The following ZFAND3 variants were observed in gnomAD, a reference collection of about 807,000 sequenced individuals.
The protein encoded by ZFAND3 is AN1-type zinc finger protein 3.
A neutral mutation model predicts 29.6 loss-of-function variants in ZFAND3; 10 were observed. The ratio of observed to expected loss-of-function variants is 0.34; its 90% CI spans 0.21 to 0.57. The LOEUF (loss-of-function observed/expected upper bound fraction) is 0.57, where lower values mean the gene tolerates loss of function less well. Ranked by LOEUF, ZFAND3 falls within the 20% of genes least tolerant of loss-of-function variation. ZFAND3 has a pLI of 0.86. For synonymous variants in ZFAND3, 128 were observed against 112.6 expected, an observed-to-expected ratio of 1.14 and a Z score of -0.87; for missense variants, 230 against 304.5, an observed-to-expected ratio of 0.76 and a Z score of 1.82.
intron 4 of ZFAND3, 104 bp downstream of exon 4, chr6:38,082,561 C>A: frequency 9.2e-7 from 1 of 1,092,294 alleles, no homozygotes; most frequent in Non-Finnish European, 1.3e-6. Context: ...CTGATTTCTT[C>A]CGTCAGTTGT....
chr6:38,003,578 A>G, intron 2 of ZFAND3: 1 of 239,598 alleles, frequency 4.2e-6, no homozygotes, highest in Non-Finnish European at 8.4e-6. Flanking sequence ...AGCTCACTGC[A>G]ACCCCTGCCT....
At chr6:38,004,925 C>G (rs1330724250) in intron 2 of ZFAND3, among the ~76,000 whole-genome samples, 1 of 152,112 alleles carries the variant, frequency 6.6e-6, no homozygotes, top group Non-Finnish European at 1.5e-5. Flanking sequence ...TACCTAAAAC[C>G]CAAAATGTTG....
Position 37,819,885 on chromosome 6 carries a change from G to C in ZFAND3, c.-61G>C, listed in dbSNP as rs1581685116. 3.6e-6 allele frequency: 4 copies of C among 1,117,952 alleles called. No individual in the cohort carries two copies. Among genetic ancestry groups the C allele is most frequent in the East Asian group, 4.0e-5 (1 of 24,910 alleles). 69.3% of individuals were successfully genotyped at this position (1,117,952 alleles called of 1,614,324 possible). ...GCCGCCGCCACCGCCTCCTCAGAGC[G>C]GGGCCCGGGCCCAGCCGCCGCCACC... On this transcript the variant is annotated 5_prime_UTR_variant, in exon 1 of 6. Transcript: ENST00000287218.
chr6:37,919,008 C>T, intron 1 of ZFAND3, among the ~76,000 whole-genome samples: 1 of 135,694 alleles, frequency 7.4e-6, no homozygotes, highest in Admixed American at 8.2e-5. Context: ...GGCTGGAGTG[C>T]AGTGGCGCAA....
At chr6:38,069,318 G>A (rs1218756217) in intron 3 of ZFAND3, among the ~76,000 whole-genome samples, 1 of 152,128 alleles carries the variant, frequency 6.6e-6, no homozygotes, top group Non-Finnish European at 1.5e-5. Context: ...ATATGGTGGG[G>A]AGATTTATTT....
At chr6:37,870,479 A>T (rs528808371) in intron 1 of ZFAND3, among the ~76,000 whole-genome samples, 1 of 151,346 alleles carries the variant, frequency 6.6e-6, no homozygotes, top group African/African-American at 2.4e-5. Context: ...GCACGCGCCA[A>T]TCCCAGCTAC....
At chr6:37,883,629 G>A (rs1400991050) in intron 1 of ZFAND3, among the ~76,000 whole-genome samples, 2 of 142,980 alleles carry the variant, frequency 1.4e-5, no homozygotes, top group African/African-American at 2.9e-5. Context: ...TGCAACCTCT[G>A]CCTCCTGGGT....
intron 1 of ZFAND3, among the ~76,000 whole-genome samples, chr6:37,845,664 A>G (rs1260534447): frequency 6.6e-6 from 1 of 152,188 alleles, no homozygotes; most frequent in Admixed American, 6.5e-5. Context: ...AGAGCAGCGT[A>G]TGCCAGTCTC....
At chr6:37,881,886 T>C (rs1194660652) in intron 1 of ZFAND3, among the ~76,000 whole-genome samples, 1 of 152,122 alleles carries the variant, frequency 6.6e-6, no homozygotes, top group East Asian at 1.9e-4. Flanking sequence ...TGCTAGTATA[T>C]GGTAAGAAGT....
chr6:37,849,176 G>A (rs1764236640), intron 1 of ZFAND3, among the ~76,000 whole-genome samples: 1 of 152,176 alleles, frequency 6.6e-6, no homozygotes, highest in Non-Finnish European at 1.5e-5. Context: ...GAAGGTTGGA[G>A]TGAAGATGGA....
intron 1 of ZFAND3, among the ~76,000 whole-genome samples, chr6:37,884,567 G>A (rs1321067440): frequency 1.4e-5 from 2 of 140,838 alleles, no homozygotes; most frequent in Non-Finnish European, 3.0e-5. Context: ...TTGTTAGGCT[G>A]TAATTCCAGT....
At chr6:37,914,859 G>A (rs574772452) in intron 1 of ZFAND3, among the ~76,000 whole-genome samples, 34 of 151,468 alleles carry the variant, frequency 2.2e-4, no homozygotes, top group African/African-American at 8.0e-4. Flanking sequence ...CTGATCACTG[G>A]CTTCAACTTA....
At chr6:38,012,104 G>T (rs913318778) in intron 2 of ZFAND3, among the ~76,000 whole-genome samples, 2 of 152,110 alleles carry the variant, frequency 1.3e-5, no homozygotes, top group African/African-American at 4.8e-5. Context: ...ATGGGGTGTG[G>T]CAGGCAGTAG....
At position 37,841,207 on chromosome 6, in the gene ZFAND3, T is replaced by C. The variant is rs527697920; in HGVS notation, c.71+21191T>C. Among the ~76,000 whole-genome samples, 3 of 152,338 alleles carry C rather than the reference T, an allele frequency of 2.0e-5. No individual in the cohort carries two copies. In the South Asian group the frequency reaches 6.2e-4, roughly 32 times the overall value. On this transcript the variant is annotated intron_variant, in intron 1 of 5. Transcript: ENST00000287218. Reference sequence around the variant, plus strand: ...GGGTTTCCGAATAAGTTTCAGTTCTTTGAGTAATAACTTTATGGAAAGAGA... The same window carrying C: ...GGGTTTCCGAATAAGTTTCAGTTCTCTGAGTAATAACTTTATGGAAAGAGA...
intron 2 of ZFAND3, among the ~76,000 whole-genome samples, chr6:37,964,914 A>C (rs71569397): frequency 0.082 from 12,542 of 152,178 alleles, 622 homozygotes; most frequent in African/African-American, 0.14. Flanking sequence ...GAGCCCTGTG[A>C]GGATTTAGTG....
At chr6:38,077,408 A>G (rs1764576193) in intron 3 of ZFAND3, among the ~76,000 whole-genome samples, 1 of 152,138 alleles carries the variant, frequency 6.6e-6, no homozygotes, top group Non-Finnish European at 1.5e-5. Flanking sequence ...CCTTTAGTTG[A>G]TAAAATAATT....
intron 1 of ZFAND3, among the ~76,000 whole-genome samples, chr6:37,860,337 C>T (rs993635151): frequency 7.9e-5 from 12 of 151,842 alleles, no homozygotes; most frequent in African/African-American, 2.9e-4. Flanking sequence ...GGCTTATATT[C>T]AGAAGTTTGA....
At chr6:37,934,698 G>GCC (rs1761663931) in intron 2 of ZFAND3, among the ~76,000 whole-genome samples, 1 of 151,776 alleles carries the variant, frequency 6.6e-6, no homozygotes, top group Non-Finnish European at 1.5e-5. Flanking sequence ...AATTAGCTGA[G>GCC]TGTAGTGGTG....
intron 2 of ZFAND3, among the ~76,000 whole-genome samples, chr6:38,017,181 A>G (rs1763266137): frequency 1.3e-5 from 2 of 152,236 alleles, no homozygotes; most frequent in Admixed American, 6.5e-5. Flanking sequence ...TTTCAAGCCC[A>G]GCTGTGTGGT....
Sources: allele counts gnomAD v4.1 joint callset (sites outside exome capture counted in the v4.1 genomes callset), GRCh38; gene constraint gnomAD v4.1.1; transcripts MANE v1.5; gene names NCBI Gene and HGNC (gene_info 2026-07-23, HGNC 2026-07-21).